The following PRKCB variants were observed in gnomAD, a reference collection of about 807,000 sequenced individuals.
The protein encoded by PRKCB is protein kinase C beta.
PRKCB carries 13 observed loss-of-function variants against 81.5 expected under a neutral mutation model. That is an observed-to-expected ratio of 0.16 (90% CI 0.10 to 0.25). The LOEUF (loss-of-function observed/expected upper bound fraction) is 0.25. PRKCB is among the 10% of genes least tolerant of loss of function. The pLI, the probability that PRKCB is intolerant of heterozygous loss-of-function variation, is 1.00. For missense variants in PRKCB, 509 were observed against 875.7 expected, an observed-to-expected ratio of 0.58 and a Z score of 5.29; for synonymous variants, 335 against 321.4, an observed-to-expected ratio of 1.04 and a Z score of -0.45.
chr16:24,135,619 C>A (rs1966862342), intron 9 of PRKCB, among the ~76,000 whole-genome samples: 2 of 152,062 alleles, frequency 1.3e-5, no homozygotes, highest in Non-Finnish European at 1.5e-5. Context: ...GGCCTCACAG[C>A]ATCATCTGCT....
At position 24,133,729 on chromosome 16, in the gene PRKCB, T is replaced by C. The variant is rs569583103; in HGVS notation, c.1065+9748T>C. On this transcript the variant is annotated intron_variant, in intron 9 of 16. Transcript: ENST00000643927. ...TTCACACCATAATCCTGCAAGGTAGTCACTGATAATCACTCTATTATATCA... is the reference window on the plus strand; with the variant it reads ...TTCACACCATAATCCTGCAAGGTAGCCACTGATAATCACTCTATTATATCA... Among the ~76,000 whole-genome samples the C allele has an allele frequency of 4.6e-5, 7 of 152,254 alleles. No homozygotes were observed. In the East Asian group the frequency reaches 1.4e-3, roughly 29 times the overall value.
In PRKCB at chr16:24,219,667, C is replaced by T; in HGVS notation, c.*4851C>T. 2.0e-6 allele frequency: 2 copies of T among 975,916 alleles called. No homozygotes were observed. Among genetic ancestry groups the T allele is most frequent in the Non-Finnish European group, 2.5e-6 (2 of 791,172 alleles). 60.5% of individuals were successfully genotyped at this position (975,916 alleles called of 1,614,324 possible). On this transcript the variant is annotated 3_prime_UTR_variant, in exon 17 of 17. Coordinates refer to ENST00000643927, the MANE Select transcript of PRKCB (RefSeq NM_002738.7). ...AAGAAAATACAGCAACACACACACA[C>T]ACACACACACACACACACACACACA...
chr16:24,127,660 T>A (rs1275498706), intron 9 of PRKCB, among the ~76,000 whole-genome samples: 1 of 151,850 alleles, frequency 6.6e-6, no homozygotes, highest in African/African-American at 2.4e-5. Context: ...CGTAGGAGAA[T>A]GAATCACTGG....
At chr16:24,180,216 C>T (rs1170817724) in intron 12 of PRKCB, among the ~76,000 whole-genome samples, 8 of 152,116 alleles carry the variant, frequency 5.3e-5, no homozygotes, top group African/African-American at 1.7e-4. Context: ...GTGCTGGAAT[C>T]GCAGGCGTGA....
At chr16:23,872,042 T>C (rs1460802160) in intron 2 of PRKCB, among the ~76,000 whole-genome samples, 1 of 152,158 alleles carries the variant, frequency 6.6e-6, no homozygotes, top group African/African-American at 2.4e-5. Flanking sequence ...ACACACATAA[T>C]TGTCAAGAAC....
intron 2 of PRKCB, among the ~76,000 whole-genome samples, chr16:23,911,853 G>C (rs1343460640): frequency 8.8e-6 from 1 of 114,180 alleles, no homozygotes; most frequent in Non-Finnish European, 1.7e-5. Flanking sequence ...TTTTTTTTGA[G>C]ATGGAGTCTC....
At chr16:24,176,486 G>T (rs369894764) in intron 12 of PRKCB, among the ~76,000 whole-genome samples, 94 of 152,276 alleles carry the variant, frequency 6.2e-4, no homozygotes, top group Non-Finnish European at 7.6e-4. Context: ...CAATGAACAC[G>T]TTCACTATGT....
intron 5 of PRKCB, among the ~76,000 whole-genome samples, chr16:24,069,821 C>G (rs898220079): frequency 2.6e-5 from 4 of 152,184 alleles, no homozygotes; most frequent in Non-Finnish European, 4.4e-5. Context: ...GTCATGACAT[C>G]ATCAGAGCCT....
chr16:24,213,482 A>G (rs1343440469), intron 16 of PRKCB, among the ~76,000 whole-genome samples: 2 of 152,180 alleles, frequency 1.3e-5, no homozygotes, highest in South Asian at 2.1e-4. Context: ...GGAGATCATA[A>G]TAATGCCCAC....
chr16:24,102,713 GT>G (rs909093011), intron 7 of PRKCB, among the ~76,000 whole-genome samples: 1 of 152,116 alleles, frequency 6.6e-6, no homozygotes, highest in African/African-American at 2.4e-5. Flanking sequence ...AGGTTCATCT[GT>G]TTTATTTACT....
chr16:23,955,991 G>A (rs1964344792), intron 2 of PRKCB, among the ~76,000 whole-genome samples: 2 of 152,220 alleles, frequency 1.3e-5, no homozygotes, highest in African/African-American at 4.8e-5. Flanking sequence ...ATGTATAACT[G>A]TGTATTTAGT....
At chr16:24,015,230 A>G (rs1965261477) in intron 3 of PRKCB, among the ~76,000 whole-genome samples, 1 of 152,210 alleles carries the variant, frequency 6.6e-6, no homozygotes, top group African/African-American at 2.4e-5. Flanking sequence ...TGTCTGCTCC[A>G]GCACTGTCAT....
At position 23,944,084 on chromosome 16, in the gene PRKCB, A is replaced by G. The variant is rs180716477; in HGVS notation, c.206-44424A>G. ...TTTAGGAGAGAAATTCAGAGTCAAC[A>G]CGGAAACTGAAAAGCTCTAGTACTG... is the stretch of plus-strand genomic sequence containing the variant. On this transcript the variant is annotated intron_variant, in intron 2 of 16. Transcript: ENST00000643927. 3.9e-4 allele frequency among the ~76,000 whole-genome samples: 59 copies of G among 152,268 alleles called. 2 individuals are homozygous for G. In the East Asian group the frequency reaches 6.2e-3, roughly 16 times the overall value.
chr16:23,939,311 A>C (rs1964107096), intron 2 of PRKCB, among the ~76,000 whole-genome samples: 1 of 152,230 alleles, frequency 6.6e-6, no homozygotes, highest in Non-Finnish European at 1.5e-5. Flanking sequence ...GCTATCCCCA[A>C]ATTGATATAC....
At chr16:23,972,850 G>T (rs1342717571) in intron 2 of PRKCB, among the ~76,000 whole-genome samples, 1 of 152,096 alleles carries the variant, frequency 6.6e-6, no homozygotes, top group Non-Finnish European at 1.5e-5. Context: ...CAAAACATAT[G>T]GCTCCTCTGA....
intron 13 of PRKCB, among the ~76,000 whole-genome samples, chr16:24,184,863 A>C (rs1489886425): frequency 1.3e-5 from 2 of 152,204 alleles, no homozygotes. Flanking sequence ...TAAAAATTCC[A>C]TGCTCACTGT....
intron 2 of PRKCB, among the ~76,000 whole-genome samples, chr16:23,932,547 G>A (rs1056614207): frequency 1.3e-5 from 2 of 152,166 alleles, no homozygotes; most frequent in African/African-American, 4.8e-5. Flanking sequence ...CTCTCTCTGG[G>A]GACTGGGAGT....
At chr16:24,179,613 C>T (rs1967587848) in intron 12 of PRKCB, among the ~76,000 whole-genome samples, 2 of 152,124 alleles carry the variant, frequency 1.3e-5, no homozygotes, top group African/African-American at 2.4e-5. Context: ...ACAACTGTTC[C>T]CCAAAATATC....
intron 9 of PRKCB, among the ~76,000 whole-genome samples, chr16:24,147,361 C>A (rs888987061): frequency 6.6e-6 from 1 of 151,864 alleles, no homozygotes; most frequent in African/African-American, 2.4e-5. Context: ...TCTGCCCAAG[C>A]CACTTGATGG....
Sources: allele counts gnomAD v4.1 joint callset (sites outside exome capture counted in the v4.1 genomes callset), GRCh38; gene constraint gnomAD v4.1.1; transcripts MANE v1.5; gene names NCBI Gene and HGNC (gene_info 2026-07-23, HGNC 2026-07-21).